Variants in FHIT observed in about 807,000 individuals in gnomAD.
The protein encoded by FHIT is fragile histidine triad diadenosine triphosphatase, also known as bis(5'-adenosyl)-triphosphatase.
Under a neutral mutation model 17.9 loss-of-function variants are expected in FHIT, and 19 were observed. The ratio of observed to expected loss-of-function variants is 1.06; its 90% CI spans 0.74 to 1.56. The LOEUF (loss-of-function observed/expected upper bound fraction) is 1.56, where lower values mean the gene tolerates loss of function less well. Ranked by LOEUF, FHIT falls within the 40% of genes most tolerant of loss-of-function variation. The pLI is 0.00. For synonymous variants in FHIT, 81 were observed against 69.7 expected, an observed-to-expected ratio of 1.16 and a Z score of -0.81; for missense variants, 248 against 189.2, an observed-to-expected ratio of 1.31 and a Z score of -1.82.
intron 8 of FHIT, among the ~76,000 whole-genome samples, chr3:59,773,178 C>T (rs1201322230): frequency 6.6e-6 from 1 of 152,134 alleles, no homozygotes; most frequent in Non-Finnish European, 1.5e-5. Context: ...ACAGTCAAAG[C>T]ACACTAGCTG....
chr3:60,197,834 G>A (rs1377093851), intron 5 of FHIT, among the ~76,000 whole-genome samples: 2 of 152,102 alleles, frequency 1.3e-5, no homozygotes, highest in Non-Finnish European at 2.9e-5. Flanking sequence ...GCTGGTTCTG[G>A]CCTTTTGAAC....
At chr3:60,472,937 A>C (rs1462279635) in intron 5 of FHIT, among the ~76,000 whole-genome samples, 1 of 152,152 alleles carries the variant, frequency 6.6e-6, no homozygotes, top group African/African-American at 2.4e-5. Flanking sequence ...GTTTTCTGAC[A>C]ACCTGACATT....
rs554766413 is a variant in FHIT at position 60,165,674 on chromosome 3, G to A, written c.104-151522C>T. On this transcript the variant is annotated intron_variant, in intron 5 of 9. Coordinates refer to ENST00000492590, the MANE Select transcript of FHIT (RefSeq NM_002012.4). ...TTGCTCAAATAAGCAAAGGGAAAAA[G>A]TACACCCTCTGCCTCTTCTCCTCTC... is the stretch of plus-strand genomic sequence containing the variant. 3.3e-5 allele frequency among the ~76,000 whole-genome samples: 5 copies of A among 152,248 alleles called. No individual in the cohort carries two copies. In the East Asian group the frequency reaches 7.7e-4, roughly 24 times the overall value.
At chr3:59,769,731 ATTT>A (rs11352722) in intron 8 of FHIT, among the ~76,000 whole-genome samples, 3 of 129,792 alleles carry the variant, frequency 2.3e-5, no homozygotes, top group East Asian at 2.3e-4. Context: ...ACTAGTTTTG[ATTT>A]TTTTTTTTTT....
At chr3:60,179,892 G>C (rs531687716) in intron 5 of FHIT, among the ~76,000 whole-genome samples, 3 of 152,108 alleles carry the variant, frequency 2.0e-5, no homozygotes, top group Non-Finnish European at 4.4e-5. Flanking sequence ...CCCCAGTATT[G>C]CTCTCTCCTC....
At chr3:60,006,617 C>T (rs75647489) in intron 7 of FHIT, among the ~76,000 whole-genome samples, 2,394 of 151,032 alleles carry the variant, frequency 0.016, 40 homozygotes, top group East Asian at 0.096. Context: ...AGTTTTTCTC[C>T]ACTATCATTC....
At chr3:61,199,371 G>A (rs1219161014) in intron 2 of FHIT, among the ~76,000 whole-genome samples, 1 of 152,160 alleles carries the variant, frequency 6.6e-6, no homozygotes, top group African/African-American at 2.4e-5. Flanking sequence ...ATTCCAAGAT[G>A]TGGCTCAATG....
chr3:60,231,848 T>C (rs1218737881), intron 5 of FHIT, among the ~76,000 whole-genome samples: 1 of 152,200 alleles, frequency 6.6e-6, no homozygotes, highest in Non-Finnish European at 1.5e-5. Flanking sequence ...AATTCAAGTC[T>C]CTAATCATTT....
intron 5 of FHIT, among the ~76,000 whole-genome samples, chr3:60,039,487 A>G (rs1701351047): frequency 6.6e-6 from 1 of 152,202 alleles, no homozygotes; most frequent in Admixed American, 6.5e-5. Flanking sequence ...AAGGCTGCTT[A>G]GGTGATGGGC....
chr3:60,682,408 A>G (rs2040772077), intron 4 of FHIT, among the ~76,000 whole-genome samples: 1 of 152,202 alleles, frequency 6.6e-6, no homozygotes, highest in Admixed American at 6.5e-5. Context: ...GTTAGCTGCT[A>G]ACGCAGCTGG....
intron 5 of FHIT, among the ~76,000 whole-genome samples, chr3:60,244,460 A>G (rs9861715): frequency 1.3e-5 from 2 of 152,108 alleles, no homozygotes; most frequent in Non-Finnish European, 2.9e-5. Context: ...ATACCTCTGA[A>G]TATAACTCAG....
chr3:60,870,752 C>G (rs72889106), intron 3 of FHIT, among the ~76,000 whole-genome samples: 2,669 of 152,242 alleles, frequency 0.018, 73 homozygotes, highest in African/African-American at 0.06. Context: ...AGTGGGCCAA[C>G]TGCTGGTTGT....
chr3:60,551,016 C>T (rs897517122), intron 4 of FHIT, among the ~76,000 whole-genome samples: 1 of 152,002 alleles, frequency 6.6e-6, no homozygotes, highest in Non-Finnish European at 1.5e-5. Context: ...GTTTGATCTG[C>T]GAGTTGAATG....
intron 5 of FHIT, among the ~76,000 whole-genome samples, chr3:60,154,939 C>T (rs760435028): frequency 1.3e-5 from 2 of 152,128 alleles, no homozygotes; most frequent in Non-Finnish European, 2.9e-5. Context: ...CTCACATACA[C>T]CTGTAATCCG....
At chr3:61,096,691 G>C (rs1488975852) in intron 2 of FHIT, among the ~76,000 whole-genome samples, 1 of 152,176 alleles carries the variant, frequency 6.6e-6, no homozygotes, top group East Asian at 1.9e-4. Flanking sequence ...TTGATAGTGA[G>C]GTAGCAATGC....
intron 8 of FHIT, among the ~76,000 whole-genome samples, chr3:59,755,555 C>G (rs764507960): frequency 3.9e-5 from 6 of 152,170 alleles, no homozygotes; most frequent in Non-Finnish European, 8.8e-5. Flanking sequence ...TCTGATAAGC[C>G]TTCTAGATTA....
intron 3 of FHIT, among the ~76,000 whole-genome samples, chr3:60,846,952 T>C (rs1702950154): frequency 6.6e-6 from 1 of 151,982 alleles, no homozygotes. Flanking sequence ...GGCTCCCGAG[T>C]AGCTGGGATT....
chr3:61,075,104 C>T (rs1235739748), intron 2 of FHIT, among the ~76,000 whole-genome samples: 1 of 152,070 alleles, frequency 6.6e-6, no homozygotes, highest in Non-Finnish European at 1.5e-5. Context: ...CAATGTTCTA[C>T]CAAAAAATGT....
At chr3:59,812,929 T>G (rs1030025303) in intron 8 of FHIT, among the ~76,000 whole-genome samples, 1 of 152,168 alleles carries the variant, frequency 6.6e-6, no homozygotes, top group African/African-American at 2.4e-5. Flanking sequence ...GTAATTAAAT[T>G]ACACCACATT....
Sources: gnomAD v4.1 joint callset for allele counts (sites outside exome capture counted in the v4.1 genomes callset) on GRCh38, gnomAD v4.1.1 for gene constraint, MANE v1.5 for transcripts, NCBI Gene and HGNC (gene_info 2026-07-23, HGNC 2026-07-21) for gene names.